The following PMP22 variants were observed in gnomAD, a reference collection of about 807,000 sequenced individuals.
PMP22 encodes the protein Charcot-Marie-Tooth neuropathy 1A (greatly reduced nerve conduction velocity, hereditary motor sensory neuropathy Ia).
A neutral mutation model predicts 18.9 loss-of-function variants in PMP22; 2 were observed. That is an observed-to-expected ratio of 0.11 (90% CI 0.04 to 0.33). The LOEUF is 0.33. Ranked by LOEUF, PMP22 falls within the 10% of genes least tolerant of loss-of-function variation. PMP22 has a pLI of 1.00. For synonymous variants in PMP22, 95 were observed against 89.2 expected (o/e 1.07, Z -0.37); for missense variants, 169 against 202.2 (o/e 0.84, Z 1.00).
intron 3 of PMP22, among the ~76,000 whole-genome samples, chr17:15,246,733 G>A (rs540087985): frequency 2.0e-5 from 3 of 152,248 alleles, no homozygotes; most frequent in Non-Finnish European, 4.4e-5. Context: ...TCCAGTGGAA[G>A]TTTTAAGCCA....
chr17:15,263,721 C>T (rs528052577), intron 1 of PMP22, among the ~76,000 whole-genome samples: 6 of 151,988 alleles, frequency 3.9e-5, no homozygotes, highest in African/African-American at 9.7e-5. Context: ...TATATTCTTA[C>T]GGTAAGTAAA....
chr17:15,259,294 C>T, intron 2 of PMP22, 101 bp from the exon 3 acceptor site: 1 of 854,820 alleles, frequency 1.2e-6, no homozygotes, highest in Non-Finnish European at 2.0e-6. Context: ...CACCCGCATC[C>T]ACCTAGCCAC....
rs374502743 is a variant in PMP22 at position 15,242,393 on chromosome 17, T to C, written c.179-2782A>G. ...AAATGTTAACAAAAAAGAAAGAAGA[T>C]AAATTAATAATAAAAAATAGAACTT... On this transcript the variant is annotated intron_variant, in intron 3 of 4. Transcript: ENST00000312280. Among the ~76,000 whole-genome samples the C allele has an allele frequency of 8.0e-5, 12 of 149,454 alleles. No homozygotes were observed. In the East Asian group the frequency reaches 2.2e-3, roughly 27 times the overall value.
intron 1 of PMP22, among the ~76,000 whole-genome samples, chr17:15,263,583 G>GCACACACACACACACA (rs3028206): frequency 1.1e-4 from 17 of 150,050 alleles, no homozygotes; most frequent in African/African-American, 4.2e-4. Flanking sequence ...GCACGCGCGC[G>GCACACACACACACACA]CACACACACA....
rs1004061330 is a variant in PMP22 at position 15,237,471 on chromosome 17, G to C, written c.319+2000C>G. Among the ~76,000 whole-genome samples the C allele has an allele frequency of 5.3e-5, 8 of 152,292 alleles. No individual in the cohort carries two copies. The South Asian group carries it at 8.3e-4, about 16-fold the overall frequency. ...CAATGTGACTGGGTCTTATAGTACA[G>C]GCTTGTATTCATCACAGATGTTTGG... On this transcript the variant is annotated intron_variant, in intron 4 of 4. Coordinates refer to ENST00000312280, the MANE Select transcript of PMP22 (RefSeq NM_000304.4).
At chr17:15,264,554 C>A (rs924847080) in intron 1 of PMP22, among the ~76,000 whole-genome samples, 22 of 152,210 alleles carry the variant, frequency 1.4e-4, no homozygotes, top group African/African-American at 5.1e-4. Context: ...AAGTCTAATA[C>A]ACATACAGAA....
At chr17:15,244,120 G>A (rs1004416246) in intron 3 of PMP22, among the ~76,000 whole-genome samples, 1 of 152,132 alleles carries the variant, frequency 6.6e-6, no homozygotes, top group Non-Finnish European at 1.5e-5. Flanking sequence ...GAAAAGCCAT[G>A]TGATTAGCAA....
intron 3 of PMP22, among the ~76,000 whole-genome samples, chr17:15,247,501 A>T (rs1907941939): frequency 6.6e-6 from 1 of 152,202 alleles, no homozygotes; most frequent in Non-Finnish European, 1.5e-5. Flanking sequence ...CCCCCAGCAG[A>T]TAGTGGGAAG....
rs549241131 is a variant in PMP22 at position 15,235,254 on chromosome 17, C to A, written c.320-4174G>T. The stretch of plus-strand genomic sequence containing the variant: ...CCTCTATTCTTTCTGTTCTTAATCC[C>A]GGTAACCACACATTTGACTTGAGTT... On this transcript the variant is annotated intron_variant, in intron 4 of 4. Coordinates refer to ENST00000312280, the MANE Select transcript of PMP22 (RefSeq NM_000304.4). 8.4e-6 allele frequency: 6 copies of A among 717,440 alleles called. No homozygotes were observed. The African/African-American group carries it at 8.7e-5, about 10-fold the overall frequency. The allele number at this position is 717,440 out of a possible 1,614,324, so 44.4% of individuals were successfully genotyped here.
chr17:15,264,001 G>A (rs1305966677), intron 1 of PMP22, among the ~76,000 whole-genome samples: 2 of 152,134 alleles, frequency 1.3e-5, no homozygotes, highest in African/African-American at 4.8e-5. Flanking sequence ...GTTTTCTCAG[G>A]TGCAAAAGGA....
intron 3 of PMP22, among the ~76,000 whole-genome samples, chr17:15,239,958 A>G (rs746905721): frequency 6.6e-6 from 1 of 152,248 alleles, no homozygotes; most frequent in Non-Finnish European, 1.5e-5. Context: ...TTCTATATAT[A>G]TGTGTATATA....
intron 3 of PMP22, among the ~76,000 whole-genome samples, chr17:15,239,845 AT>A (rs1907165704): frequency 6.6e-6 from 1 of 152,250 alleles, no homozygotes; most frequent in Non-Finnish European, 1.5e-5. Context: ...ATACATCTAT[AT>A]GTACTGATAT....
chr17:15,248,930 G>T (rs1217037253), intron 3 of PMP22, among the ~76,000 whole-genome samples: 1 of 152,218 alleles, frequency 6.6e-6, no homozygotes, highest in Non-Finnish European at 1.5e-5. Context: ...TGCAATTGCA[G>T]TCATGAACTG....
chr17:15,237,915 T>C (rs1001934943), intron 4 of PMP22, among the ~76,000 whole-genome samples: 10 of 152,154 alleles, frequency 6.6e-5, no homozygotes, highest in Non-Finnish European at 1.2e-4. Context: ...GTTCTGGTTC[T>C]AAATCCATAT....
At chr17:15,257,370 C>A (rs1908927914) in intron 3 of PMP22, among the ~76,000 whole-genome samples, 1 of 152,232 alleles carries the variant, frequency 6.6e-6, no homozygotes, top group South Asian at 2.1e-4. Context: ...GCTGAAACTT[C>A]GCCGGGTTTT....
chr17:15,234,254 G>A (rs1452057625), intron 4 of PMP22, among the ~76,000 whole-genome samples: 2 of 152,218 alleles, frequency 1.3e-5, no homozygotes, highest in Admixed American at 6.5e-5. Flanking sequence ...ACACAGCGAT[G>A]TCTCAGAAGC....
At chr17:15,247,293 C>T (rs1334745213) in intron 3 of PMP22, among the ~76,000 whole-genome samples, 3 of 152,064 alleles carry the variant, frequency 2.0e-5, no homozygotes, top group Non-Finnish European at 4.4e-5. Flanking sequence ...GGTGTGAACC[C>T]GGGAGGTGGA....
chr17:15,242,188 G>A (rs1907387269), intron 3 of PMP22, among the ~76,000 whole-genome samples: 2 of 148,034 alleles, frequency 1.4e-5, no homozygotes, highest in Non-Finnish European at 3.0e-5. Context: ...AGGAGGTGGA[G>A]GTTGTAGTGA....
chr17:15,245,950 TTG>T (rs879566361), intron 3 of PMP22, among the ~76,000 whole-genome samples: 1 of 151,208 alleles, frequency 6.6e-6, no homozygotes, highest in Non-Finnish European at 1.5e-5. Flanking sequence ...GAGGCGGAGC[TTG>T]CAGTGAGCCG....
Sources: gnomAD v4.1 joint callset for allele counts (sites outside exome capture counted in the v4.1 genomes callset) on GRCh38, gnomAD v4.1.1 for gene constraint, MANE v1.5 for transcripts, NCBI Gene and HGNC (gene_info 2026-07-23, HGNC 2026-07-21) for gene names.